RAB32: variants seen among roughly 807,000 people sequenced by gnomAD.
RAB32 encodes RAB32, member RAS oncogene family, also known as ras-related protein Rab-32.
RAB32 carries 17 observed loss-of-function variants against 17.5 expected under a neutral mutation model. The ratio of observed to expected loss-of-function variants is 0.97; its 90% CI spans 0.67 to 1.46. RAB32 has a LOEUF of 1.46. Ranked by LOEUF, RAB32 falls within the 40% of genes most tolerant of loss-of-function variation. The pLI is 0.00. For synonymous variants in RAB32, 115 were observed against 111.1 expected (o/e 1.04, Z -0.22); for missense variants, 288 against 284.3 (o/e 1.01, Z -0.09).
intron 1 of RAB32, among the ~76,000 whole-genome samples, chr6:146,546,838 A>G (rs1336160133): frequency 6.7e-6 from 1 of 148,894 alleles, no homozygotes; most frequent in East Asian, 2.0e-4. Context: ...GTAGTGAAGA[A>G]ATTATGACGA....
In RAB32 at chr6:146,547,733, A is replaced by G. The variant is rs3804287; in HGVS notation, c.251-1731A>G. Among the ~76,000 whole-genome samples the G allele has an allele frequency of 4.9e-3, 738 of 151,754 alleles. 19 individuals carry two copies. The highest frequency in any genetic ancestry group is 0.048 in the East Asian group (246 of 5,166). On this transcript the variant is annotated intron_variant, in intron 1 of 2. Transcript: ENST00000367495. ...TTACAGATGATTCACAAAAAAAAAAAAAAAAAAGCAACAGTCACTAAAGTT... is the reference window on the plus strand; with the variant it reads ...TTACAGATGATTCACAAAAAAAAAAGAAAAAAAGCAACAGTCACTAAAGTT...
chr6:146,552,284 G>A (rs1487979007), intron 2 of RAB32, among the ~76,000 whole-genome samples: 2 of 151,972 alleles, frequency 1.3e-5, no homozygotes, highest in Non-Finnish European at 1.5e-5. Flanking sequence ...GATATAATGG[G>A]GATAGCTGGG....
chr6:146,554,390 C>T (rs530829726), intron 2 of RAB32, 66 bp from the exon 3 acceptor site: 1 of 1,508,432 alleles, frequency 6.6e-7, no homozygotes, highest in Admixed American at 2.3e-5. Context: ...CCCATTCATA[C>T]TCTTAATGCC....
At chr6:146,549,241 A>T (rs527915348) in intron 1 of RAB32, among the ~76,000 whole-genome samples, 12 of 152,324 alleles carry the variant, frequency 7.9e-5, no homozygotes, top group Admixed American at 3.9e-4. Context: ...AATATGTTGT[A>T]CAGAACATAA....
intron 1 of RAB32, among the ~76,000 whole-genome samples, chr6:146,545,584 G>A (rs987502154): frequency 6.6e-6 from 1 of 152,186 alleles, no homozygotes; most frequent in African/African-American, 2.4e-5. Flanking sequence ...GCACATTTCT[G>A]TCCCTCAGAC....
chr6:146,554,363 T>TGGTCCC, intron 2 of RAB32, 93 bp from the exon 3 acceptor site: 1 of 1,342,024 alleles, frequency 7.5e-7, no homozygotes, highest in Non-Finnish European at 1.0e-6. Flanking sequence ...CTGCCACCTC[T>TGGTCCC]AACAAATTTT....
Position 146,543,972 on chromosome 6 carries a change from T to A in RAB32, c.101T>A (p.Leu34His). Reference protein sequence around the residue: ...HLFKVLVIGELGVGKTSIIKR... With the variant: ...HLFKVLVIGEHGVGKTSIIKR... Reference sequence around the variant, plus strand: ...TTCAAGGTGCTGGTGATCGGCGAGCTTGGCGTGGGCAAGACCAGCATCATC... The same window carrying A: ...TTCAAGGTGCTGGTGATCGGCGAGCATGGCGTGGGCAAGACCAGCATCATC... Residue 34 changes from leucine to histidine, a missense_variant, in exon 1 of 3, where the codon CTT becomes CAT. Leu to His is a moderately conservative substitution (Grantham distance 99, BLOSUM62 -3). Transcript: ENST00000367495. The A allele has an allele frequency of 6.2e-7, 1 of 1,613,486 alleles. No individual in the cohort carries two copies. The highest frequency in any genetic ancestry group is 1.1e-5 in the South Asian group (1 of 91,074).
rs764741215 is a variant in RAB32, at chr6:146,554,512, C to T, written c.585C>T (p.Asn195=). ...ARFLVEKILV[N]HQSFPNEEND... ...TCCTAGTGGAGAAGATTCTTGTAAACCACCAAAGCTTTCCTAATGAAGAAA... is the reference window on the plus strand; with the variant it reads ...TCCTAGTGGAGAAGATTCTTGTAAATCACCAAAGCTTTCCTAATGAAGAAA... The change falls in exon 3 of 3, where the codon AAC becomes AAT. Residue 195 remains asparagine, a synonymous_variant. Coordinates refer to ENST00000367495, the MANE Select transcript of RAB32 (RefSeq NM_006834.5). 2 of 1,613,860 alleles carry T rather than the reference C, an allele frequency of 1.2e-6. No homozygotes were observed. Among genetic ancestry groups the T allele is most frequent in the Non-Finnish European group, 8.5e-7 (1 of 1,179,824 alleles).
intron 2 of RAB32, 132 bp from the exon 3 acceptor site, chr6:146,554,324 A>T: frequency 1.4e-6 from 1 of 729,058 alleles, no homozygotes; most frequent in Non-Finnish European, 2.2e-6. Context: ...CACACACTTT[A>T]GTATTAGAGG....
Position 146,544,015 on chromosome 6 carries a change from G to A in RAB32, c.144G>A (p.Gln48=), listed in dbSNP as rs757619402. 1.9e-6 allele frequency: 3 copies of A among 1,613,906 alleles called. No individual in the cohort carries two copies. Among genetic ancestry groups the A allele is most frequent in the South Asian group, 1.1e-5 (1 of 91,084 alleles). Reference sequence around the variant, plus strand: ...GCATCATCAAGCGCTACGTCCACCAGCTCTTCTCCCAGCACTACCGGGCCA... The same window carrying A: ...GCATCATCAAGCGCTACGTCCACCAACTCTTCTCCCAGCACTACCGGGCCA... The part of the protein sequence containing the change: ...KTSIIKRYVH[Q]LFSQHYRATI... Residue 48 remains glutamine, a synonymous_variant, in exon 1 of 3, where the codon CAG becomes CAA. Transcript: ENST00000367495.
intron 1 of RAB32, among the ~76,000 whole-genome samples, chr6:146,548,727 G>T (rs560365215): frequency 5.3e-5 from 8 of 152,266 alleles, no homozygotes; most frequent in African/African-American, 1.9e-4. Context: ...CTATGCCAAA[G>T]ATTAGTACAA....
intron 2 of RAB32, among the ~76,000 whole-genome samples, chr6:146,551,039 T>C (rs1779891307): frequency 6.6e-6 from 1 of 152,120 alleles, no homozygotes; most frequent in South Asian, 2.1e-4. Flanking sequence ...AACTACTTGA[T>C]GCCAATGATG....
At chr6:146,544,146 C>G in intron 1 of RAB32, 25 bp downstream of exon 1, 2 of 1,589,134 alleles carry the variant, frequency 1.3e-6, no homozygotes, top group Non-Finnish European at 1.7e-6. Context: ...GAGTTTCCCA[C>G]TCCAGAGCCC....
At chr6:146,554,356 C>T (rs2114788468) in intron 2 of RAB32, 100 bp from the exon 3 acceptor site, 2 of 1,214,776 alleles carry the variant, frequency 1.6e-6, no homozygotes, top group South Asian at 1.7e-5. Context: ...GCACTTGCTG[C>T]CACCTCTAAC....
Position 146,554,587 on chromosome 6 carries a change from C to A in RAB32, c.660C>A (p.Asn220Lys). The change falls in exon 3 of 3, where the codon AAC becomes AAA. Residue 220 changes from asparagine to lysine, a missense_variant. Transcript: ENST00000367495. ...ATCAAGAGACCTTGAGAGCAGAGAA[C>A]AAATCCCAGTGTTGCTGATATATGG... ...KLDQETLRAE[N>K]KSQCC The A allele has an allele frequency of 6.2e-7, 1 of 1,612,600 alleles. No individual in the cohort carries two copies. The highest frequency in any genetic ancestry group is 8.5e-7 in the Non-Finnish European group (1 of 1,179,404).
At chr6:146,552,809 G>A (rs974708028) in intron 2 of RAB32, among the ~76,000 whole-genome samples, 21 of 152,254 alleles carry the variant, frequency 1.4e-4, no homozygotes, top group African/African-American at 4.6e-4. Context: ...TTTTAGGACG[G>A]GTGGAACAAG....
intron 1 of RAB32, among the ~76,000 whole-genome samples, chr6:146,544,748 A>C (rs1285145371): frequency 1.4e-5 from 2 of 141,664 alleles, no homozygotes; most frequent in Non-Finnish European, 3.1e-5. Context: ...ACCAACACCT[A>C]GTCCCATCCC....
At position 146,544,040 on chromosome 6, in the gene RAB32, A is replaced by G; in HGVS notation, c.169A>G (p.Thr57Ala). ...HQLFSQHYRATIGVDFALKVL... is the reference protein window; with the variant it reads ...HQLFSQHYRAAIGVDFALKVL... The stretch of plus-strand genomic sequence containing the variant: ...GCTCTTCTCCCAGCACTACCGGGCC[A>G]CCATCGGGGTGGACTTCGCCCTCAA... Residue 57 changes from threonine (T) to alanine (A), a missense_variant, in exon 1 of 3, where the codon ACC (threonine) becomes GCC (alanine). Thr to Ala is a moderately conservative substitution (Grantham distance 58). Coordinates refer to ENST00000367495, the MANE Select transcript of RAB32 (RefSeq NM_006834.5). 6.2e-7 allele frequency: 1 copy of G among 1,613,864 alleles called. No individual in the cohort carries two copies. The highest frequency in any genetic ancestry group is 1.3e-5 in the African/African-American group (1 of 75,024).
intron 2 of RAB32, 80 bp from the exon 3 acceptor site, chr6:146,554,376 T>C: frequency 1.4e-6 from 2 of 1,422,052 alleles, no homozygotes; most frequent in East Asian, 2.4e-5. Context: ...CAAATTTTCC[T>C]GGTCCCATTC....
Sources: gnomAD v4.1 joint callset for allele counts (sites outside exome capture counted in the v4.1 genomes callset) on GRCh38, gnomAD v4.1.1 for gene constraint, MANE v1.5 for transcripts, NCBI Gene and HGNC (gene_info 2026-07-23, HGNC 2026-07-21) for gene names.